Variants in CHP1 observed in about 807,000 individuals in gnomAD.
CHP1 encodes calcineurin like EF-hand protein 1.
Under a neutral mutation model 27.4 loss-of-function variants are expected in CHP1, and 11 were observed. The ratio of observed to expected loss-of-function variants is 0.40; its 90% CI spans 0.25 to 0.67. The LOEUF (loss-of-function observed/expected upper bound fraction) is 0.67, where lower values mean the gene tolerates loss of function less well. Among genes scored for constraint, CHP1 ranks in the 30% least tolerant of loss-of-function variants. The pLI, the probability that CHP1 is intolerant of heterozygous loss-of-function variation, is 0.38. For synonymous variants in CHP1, 89 were observed against 87.4 expected, an observed-to-expected ratio of 1.02 and a Z score of -0.10; for missense variants, 169 against 251.3, an observed-to-expected ratio of 0.67 and a Z score of 2.22.
intron 1 of CHP1, chr15:41,234,287 A>AT (rs2047266359): frequency 6.6e-6 from 1 of 152,094 alleles, no homozygotes; most frequent in South Asian, 2.1e-4. Flanking sequence ...GTAATTTGGT[A>AT]TGATGCAAAA....
intron 5 of CHP1, among the ~76,000 whole-genome samples, chr15:41,274,135 AT>A (rs1330693795): frequency 5.3e-5 from 8 of 151,526 alleles, no homozygotes; most frequent in Non-Finnish European, 1.0e-4. Context: ...TAATTTTTGT[AT>A]TTTTAGTAGA....
At chr15:41,272,953 A>T (rs1034898736) in intron 5 of CHP1, among the ~76,000 whole-genome samples, 4 of 151,980 alleles carry the variant, frequency 2.6e-5, no homozygotes, top group Non-Finnish European at 5.9e-5. Flanking sequence ...GTTACTCGGG[A>T]GGCTGAGGCA....
chr15:41,231,513 T>A, intron 1 of CHP1, 64 bp downstream of exon 1: 1 of 1,504,172 alleles, frequency 6.6e-7, no homozygotes, highest in Non-Finnish European at 9.1e-7. Flanking sequence ...CAAGGGCGGC[T>A]GTCGCTAAGG....
intron 4 of CHP1, among the ~76,000 whole-genome samples, chr15:41,265,710 C>CAAAAAAAAAAAA: frequency 8.2e-6 from 1 of 121,658 alleles, no homozygotes; most frequent in Non-Finnish European, 1.8e-5. Context: ...AACTCCATCT[C>CAAAAAAAAAAAA]AAAAAAAAAA....
chr15:41,255,175 A>G (rs1048311319), intron 2 of CHP1, among the ~76,000 whole-genome samples: 37 of 152,154 alleles, frequency 2.4e-4, no homozygotes, highest in African/African-American at 8.7e-4. Context: ...ATGTCCTTAT[A>G]GCAGTTTTTT....
At chr15:41,232,082 C>T (rs2047249289) in intron 1 of CHP1, among the ~76,000 whole-genome samples, 1 of 152,134 alleles carries the variant, frequency 6.6e-6, no homozygotes, top group African/African-American at 2.4e-5. Flanking sequence ...TTTTTACTTA[C>T]ACGACGATAC....
At position 41,281,129 on chromosome 15, in the gene CHP1, G is replaced by A. The variant is rs1326229198; in HGVS notation, c.*1740G>A. 1 of 152,248 alleles carries A rather than the reference G, an allele frequency of 6.6e-6. No homozygotes were observed. Among genetic ancestry groups the A allele is most frequent in the Non-Finnish European group, 1.5e-5 (1 of 68,064 alleles). 9.4% of individuals were successfully genotyped at this position (152,248 alleles called of 1,614,324 possible). A position where few individuals can be genotyped will look rare whatever the true frequency, so the allele number is the denominator to read the frequency against. On this transcript the variant is annotated 3_prime_UTR_variant, in exon 7 of 7. Transcript: ENST00000334660. ...CTGCCTCGGCCTCCCAAAGTGCTGGGATTACAGGCATGAGCCACCGTGCTC... is the reference window on the plus strand; with the variant it reads ...CTGCCTCGGCCTCCCAAAGTGCTGGAATTACAGGCATGAGCCACCGTGCTC...
At chr15:41,260,240 C>T (rs2047425816) in intron 3 of CHP1, among the ~76,000 whole-genome samples, 1 of 151,268 alleles carries the variant, frequency 6.6e-6, no homozygotes, top group South Asian at 2.1e-4. Flanking sequence ...TATTATGTTA[C>T]ATGGGGCATT....
intron 4 of CHP1, among the ~76,000 whole-genome samples, chr15:41,263,222 T>C (rs1366032356): frequency 6.6e-6 from 1 of 152,234 alleles, no homozygotes; most frequent in African/African-American, 2.4e-5. Context: ...AAGTGTTACC[T>C]AGTATCATTA....
Position 41,262,741 on chromosome 15 carries a change from A to G in CHP1, c.222-15A>G, listed in dbSNP as rs1019578062. The G allele has an allele frequency of 6.8e-6, 11 of 1,611,754 alleles. 2 individuals are homozygous for G. The Middle Eastern group carries it at 1.5e-3, about 222-fold the overall frequency. On this transcript the variant is annotated splice_polypyrimidine_tract_variant and intron_variant, in intron 3 of 6. Transcript: ENST00000334660. ...TGATTGACATGGTGTTGTGTTTGTT[A>G]TATTTCACAATCAGAGAGGACCAGG...
intron 2 of CHP1, 43 bp downstream of exon 2, chr15:41,243,782 C>T (rs2047319370): frequency 6.4e-7 from 1 of 1,569,850 alleles, no homozygotes; most frequent in African/African-American, 1.4e-5. Context: ...AAACCAGAAA[C>T]CCTCTGGCAG....
At chr15:41,245,939 C>G (rs1273461975) in intron 2 of CHP1, among the ~76,000 whole-genome samples, 1 of 151,984 alleles carries the variant, frequency 6.6e-6, no homozygotes, top group Admixed American at 6.6e-5. Context: ...GGTTTTAGTT[C>G]TTATATTAAG....
chr15:41,262,680 T>C (rs2047439390), intron 3 of CHP1, 76 bp from the exon 4 acceptor site: 2 of 1,569,080 alleles, frequency 1.3e-6, no homozygotes, highest in Non-Finnish European at 1.7e-6. Flanking sequence ...GCTAAAGCTG[T>C]TGCCAGTATA....
chr15:41,248,901 T>C (rs2047349643), intron 2 of CHP1, among the ~76,000 whole-genome samples: 1 of 152,198 alleles, frequency 6.6e-6, no homozygotes, highest in African/African-American at 2.4e-5. Flanking sequence ...GGGATTTCAC[T>C]CTGGCTGTGC....
chr15:41,267,522 T>C (rs955181398), intron 4 of CHP1, among the ~76,000 whole-genome samples: 13 of 151,470 alleles, frequency 8.6e-5, no homozygotes, highest in African/African-American at 3.2e-4. Context: ...ATTAGCTGGG[T>C]GTGGTGGCAC....
chr15:41,273,936 G>A (rs2047505341), intron 5 of CHP1, among the ~76,000 whole-genome samples: 1 of 151,028 alleles, frequency 6.6e-6, no homozygotes, highest in Admixed American at 6.6e-5. Context: ...GCAAAACTCT[G>A]TCTTAATAAT....
chr15:41,280,505 A>ATTTTTTTTTTTTT lies in CHP1; in HGVS notation c.*1131_*1143dup, dbSNP rs34921023. 6 of 111,368 alleles carry ATTTTTTTTTTTTT rather than the reference A, an allele frequency of 5.4e-5. 1 individual carries two copies. The highest frequency in any genetic ancestry group is 8.8e-5 in the Non-Finnish European group (5 of 56,600). 6.9% of individuals were successfully genotyped at this position (111,368 alleles called of 1,614,324 possible). ...GGAAGTGCCTAATATCCCAGTCCAA[A>ATTTTTTTTTTTTT]TTTTTTTTTTTTTTTTTTTTTTTTT... On this transcript the variant is annotated 3_prime_UTR_variant, in exon 7 of 7. Transcript: ENST00000334660.
chr15:41,237,157 T>C (rs1200067955), intron 1 of CHP1, among the ~76,000 whole-genome samples: 2 of 148,028 alleles, frequency 1.4e-5, no homozygotes, highest in Non-Finnish European at 3.0e-5. Context: ...TTTTTTTTTT[T>C]TTAATTGAGA....
intron 2 of CHP1, 194 bp from the exon 3 acceptor site, chr15:41,256,716 A>G (rs765816886): frequency 5.2e-5 from 30 of 579,436 alleles, no homozygotes; most frequent in Non-Finnish European, 8.6e-5. Context: ...GGCTCCTTCC[A>G]CTTCTGAGTT....
Sources: allele counts gnomAD v4.1 joint callset (sites outside exome capture counted in the v4.1 genomes callset), GRCh38; gene constraint gnomAD v4.1.1; transcripts MANE v1.5; gene names NCBI Gene and HGNC (gene_info 2026-07-23, HGNC 2026-07-21).